Variants in SH3GL2 observed in about 807,000 individuals in gnomAD.
The protein encoded by SH3GL2 is SH3 domain containing GRB2 like 2, endophilin A1.
SH3GL2 carries 24 observed loss-of-function variants against 46.0 expected under a neutral mutation model. That is an observed-to-expected ratio of 0.52 (90% confidence interval 0.38 to 0.73). The LOEUF is 0.73. Ranked by LOEUF, SH3GL2 falls within the 30% of genes least tolerant of loss-of-function variation. SH3GL2 has a pLI of 0.00. For missense variants in SH3GL2, 413 were observed against 424.2 expected (o/e 0.97, Z 0.23); for synonymous variants, 196 against 147.1 (o/e 1.33, Z -2.40).
intron 1 of SH3GL2, among the ~76,000 whole-genome samples, chr9:17,586,017 T>A (rs188293957): frequency 1.8e-4 from 27 of 152,340 alleles, no homozygotes; most frequent in Non-Finnish European, 2.9e-5. Flanking sequence ...TAAAGAGAGC[T>A]ATAACTATAC....
At chr9:17,582,950 C>G (rs1346329248) in intron 1 of SH3GL2, among the ~76,000 whole-genome samples, 1 of 152,122 alleles carries the variant, frequency 6.6e-6, no homozygotes, top group Non-Finnish European at 1.5e-5. Flanking sequence ...TGTAAGGACC[C>G]CAGTCATATA....
chr9:17,788,055 G>C (rs776221849), intron 5 of SH3GL2, among the ~76,000 whole-genome samples: 1 of 152,160 alleles, frequency 6.6e-6, no homozygotes, highest in Non-Finnish European at 1.5e-5. Context: ...CAGTTGAGCT[G>C]TTTATAATAA....
At chr9:17,611,889 GC>G (rs1818875048) in intron 1 of SH3GL2, among the ~76,000 whole-genome samples, 2 of 151,288 alleles carry the variant, frequency 1.3e-5, no homozygotes, top group African/African-American at 4.9e-5. Flanking sequence ...ATGACAACTT[GC>G]CTATCTCAAC....
At chr9:17,651,411 A>T (rs969596375) in intron 1 of SH3GL2, among the ~76,000 whole-genome samples, 3 of 152,174 alleles carry the variant, frequency 2.0e-5, no homozygotes, top group African/African-American at 7.2e-5. Context: ...TCTCCTTGAG[A>T]ATCTTGTGTG....
chr9:17,729,601 G>A lies in SH3GL2; in HGVS notation c.46-17465G>A, dbSNP rs151143435. On this transcript the variant is annotated intron_variant, in intron 1 of 8. Coordinates refer to ENST00000380607, the MANE Select transcript of SH3GL2 (RefSeq NM_003026.5). ...GGATTTTTATGGTTTTAGGTCTGAC[G>A]TTTAAATCTTTAATCCATCTTGAAT... 5.2e-3 allele frequency among the ~76,000 whole-genome samples: 788 copies of A among 152,170 alleles called. 5 individuals are homozygous for A. Among genetic ancestry groups the A allele is most frequent in the African/African-American group, 0.018 (744 of 41,526 alleles).
chr9:17,607,570 C>T (rs1038978665), intron 1 of SH3GL2, among the ~76,000 whole-genome samples: 2 of 152,148 alleles, frequency 1.3e-5, no homozygotes, highest in African/African-American at 4.8e-5. Context: ...ACCAAAATGT[C>T]TATGCGGCAC....
chr9:17,720,480 A>T (rs916282340), intron 1 of SH3GL2, among the ~76,000 whole-genome samples: 4 of 152,126 alleles, frequency 2.6e-5, no homozygotes, highest in African/African-American at 9.7e-5. Flanking sequence ...AGGTACCGAG[A>T]CAGCTGGATT....
intron 1 of SH3GL2, among the ~76,000 whole-genome samples, chr9:17,635,750 T>A (rs1318039719): frequency 6.6e-6 from 1 of 152,210 alleles, no homozygotes; most frequent in Non-Finnish European, 1.5e-5. Context: ...GAGTCAGCTG[T>A]GATGCCCCCA....
rs989675488 is a variant in SH3GL2 at position 17,592,453 on chromosome 9, C to T, written c.45+13166C>T. On this transcript the variant is annotated intron_variant, in intron 1 of 8. Transcript: ENST00000380607. The stretch of plus-strand genomic sequence containing the variant: ...TTAATTTAAAACTGAATCAGTGTAC[C>T]ATTTTCTTAAATGGAAAAATCACTA... Among the ~76,000 whole-genome samples, 15 of 152,230 alleles carry T rather than the reference C, an allele frequency of 9.9e-5. 2 individuals carry two copies. The South Asian group carries it at 2.7e-3, about 27-fold the overall frequency.
At chr9:17,791,176 T>A (rs1163077211) in intron 6 of SH3GL2, 55 bp from the exon 7 acceptor site, 20 of 1,234,878 alleles carry the variant, frequency 1.6e-5, no homozygotes, top group Non-Finnish European at 2.4e-5. Context: ...CAGTAGTGGC[T>A]GTTTAGGGAT....
At chr9:17,753,852 G>A (rs916224997) in intron 2 of SH3GL2, among the ~76,000 whole-genome samples, 1 of 152,072 alleles carries the variant, frequency 6.6e-6, no homozygotes, top group African/African-American at 2.4e-5. Context: ...GTTAATTTTT[G>A]TATATGGTGT....
At chr9:17,738,757 T>C (rs1371780416) in intron 1 of SH3GL2, among the ~76,000 whole-genome samples, 3 of 151,714 alleles carry the variant, frequency 2.0e-5, no homozygotes, top group Middle Eastern at 6.8e-3. Context: ...GCTTGGAAAC[T>C]CTTGCTCAGA....
chr9:17,760,086 T>A (rs1334426034), intron 2 of SH3GL2, among the ~76,000 whole-genome samples: 1 of 152,198 alleles, frequency 6.6e-6, no homozygotes, highest in Non-Finnish European at 1.5e-5. Context: ...AGGGGGCTAC[T>A]GAGCATTTTT....
At chr9:17,678,385 G>T (rs1386191102) in intron 1 of SH3GL2, among the ~76,000 whole-genome samples, 1 of 152,106 alleles carries the variant, frequency 6.6e-6, no homozygotes, top group African/African-American at 2.4e-5. Flanking sequence ...CTGATGGTCA[G>T]TGATGATGAG....
At chr9:17,664,181 G>A (rs1820289930) in intron 1 of SH3GL2, among the ~76,000 whole-genome samples, 1 of 152,136 alleles carries the variant, frequency 6.6e-6, no homozygotes, top group African/African-American at 2.4e-5. Flanking sequence ...TCAGCTGTGA[G>A]GCTAAAAATC....
rs113409171 is a variant in SH3GL2, at chr9:17,781,405, C to T, written c.188-4976C>T. 3.2e-3 allele frequency among the ~76,000 whole-genome samples: 457 copies of T among 142,800 alleles called. 2 individuals are homozygous for T. Among genetic ancestry groups the T allele is most frequent in the African/African-American group, 0.011 (418 of 37,858 alleles). 93.7% of individuals were successfully genotyped at this position (142,800 alleles called of 152,430 possible). On this transcript the variant is annotated intron_variant, in intron 3 of 8. Transcript: ENST00000380607. The stretch of plus-strand genomic sequence containing the variant: ...AGCCCTTTGTCAGATGAGTAGGTTG[C>T]GAAAATTTTCTCCCATGTTGTAGGT...
Position 17,704,176 on chromosome 9 carries a change from A to G in SH3GL2, c.46-42890A>G, listed in dbSNP as rs367970395. ...CCAAGCTGAGAGCCAAACCAAGAACACACTCCCATTCACAATAGCCACAAA... is the reference window on the plus strand; with the variant it reads ...CCAAGCTGAGAGCCAAACCAAGAACGCACTCCCATTCACAATAGCCACAAA... On this transcript the variant is annotated intron_variant, in intron 1 of 8. Transcript: ENST00000380607. 1.0e-3 allele frequency among the ~76,000 whole-genome samples: 158 copies of G among 152,080 alleles called. 1 individual carries two copies. Among genetic ancestry groups the G allele is most frequent in the African/African-American group, 3.6e-3 (148 of 41,490 alleles).
intron 1 of SH3GL2, among the ~76,000 whole-genome samples, chr9:17,693,007 C>G (rs1303419322): frequency 6.6e-6 from 1 of 152,110 alleles, no homozygotes; most frequent in Non-Finnish European, 1.5e-5. Context: ...CTGGGTCCCT[C>G]CCACAACACA....
chr9:17,663,083 C>G (rs1181202189), intron 1 of SH3GL2, among the ~76,000 whole-genome samples: 1 of 152,168 alleles, frequency 6.6e-6, no homozygotes, highest in African/African-American at 2.4e-5. Context: ...CAAAAAATAT[C>G]CTCAGGCTTT....
Sources: allele counts gnomAD v4.1 joint callset (sites outside exome capture counted in the v4.1 genomes callset), GRCh38; gene constraint gnomAD v4.1.1; transcripts MANE v1.5; gene names NCBI Gene and HGNC (gene_info 2026-07-23, HGNC 2026-07-21).